DNTTIP2: variants seen among roughly 807,000 people sequenced by gnomAD.
The protein encoded by DNTTIP2 is deoxynucleotidyltransferase terminal interacting protein 2.
In DNTTIP2, 47 loss-of-function variants were observed where a neutral mutation model predicts 62.4. The observed-to-expected ratio is 0.75, with a 90% CI of 0.60 to 0.96. The LOEUF is 0.96. Ranked by LOEUF, DNTTIP2 falls within the 40% of genes least tolerant of loss-of-function variation. DNTTIP2 has a pLI of 0.00. For missense variants in DNTTIP2, 870 were observed against 849.1 expected (o/e 1.02, Z -0.31); for synonymous variants, 322 against 300.9 (o/e 1.07, Z -0.73).
intron 2 of DNTTIP2, 56 bp from the exon 3 acceptor site, chr1:93,875,839 T>G: frequency 6.6e-7 from 1 of 1,521,718 alleles, no homozygotes. Context: ...TGGAAACATA[T>G]AAGATGGCAT....
chr1:93,872,679 C>A (rs1471117463), intron 4 of DNTTIP2, among the ~76,000 whole-genome samples: 1 of 152,116 alleles, frequency 6.6e-6, no homozygotes, highest in Non-Finnish European at 1.5e-5. Flanking sequence ...GTTATTTCTA[C>A]AATAAAACAA....
In DNTTIP2 at chr1:93,877,353, T is replaced by C. The variant is rs775956120; in HGVS notation, c.582A>G (p.Ser194=). The part of the protein sequence containing the change: ...SDAETSSSDI[S]FSGIATRRTR... ...TTCTTCTAGTTGCAATTCCAGAGAA[T>C]GAAATGTCTGAGCTTGATGTCTCAG... Residue 194 remains serine (S), a synonymous_variant, in exon 2 of 7, where the codon TCA becomes TCG. Transcript: ENST00000436063. 10 of 1,613,688 alleles carry C rather than the reference T, an allele frequency of 6.2e-6. No individual in the cohort carries two copies. Among genetic ancestry groups the C allele is most frequent in the African/African-American group, 1.3e-5 (1 of 74,940 alleles).
intron 3 of DNTTIP2, 88 bp from the exon 4 acceptor site, chr1:93,873,302 T>C: frequency 9.4e-7 from 1 of 1,066,156 alleles, no homozygotes; most frequent in Non-Finnish European, 1.4e-6. Context: ...TTTTAAAATT[T>C]TTAGTCAGCC....
intron 5 of DNTTIP2, 149 bp downstream of exon 5, chr1:93,871,923 A>G: frequency 1.2e-6 from 1 of 834,436 alleles, no homozygotes; most frequent in East Asian, 2.5e-5. Context: ...GGTAATGGCC[A>G]TTCTTATATG....
rs1407552784 is a variant in DNTTIP2, at chr1:93,866,717, T to C, written c.*3134A>G. ...TTTCCCAGGTTTCAGAAGAGGAATA[T>C]TGGTGTTTCTCTAGAGCAGTTGGTT... On this transcript the variant is annotated 3_prime_UTR_variant, in exon 7 of 7. Coordinates refer to ENST00000436063, the MANE Select transcript of DNTTIP2 (RefSeq NM_014597.5). 1.3e-5 allele frequency: 2 copies of C among 152,202 alleles called. No homozygotes were observed. The highest frequency in any genetic ancestry group is 2.4e-5 in the African/African-American group (1 of 41,426). The allele number at this position is 152,202 out of a possible 1,614,324, so 9.4% of individuals were successfully genotyped here.
rs1370272246 is a variant in DNTTIP2, at chr1:93,878,118, A to C, written c.73-256T>G. 2.6e-5 allele frequency among the ~76,000 whole-genome samples: 4 copies of C among 152,216 alleles called. No individual in the cohort carries two copies. The East Asian group carries it at 7.7e-4, about 29-fold the overall frequency. Reference sequence around the variant, plus strand: ...TCAGGAGTTCGAGACAGCTTGGCCAACATAGTGAAACCCCATCTCTACTCA... The same window carrying C: ...TCAGGAGTTCGAGACAGCTTGGCCACCATAGTGAAACCCCATCTCTACTCA... On this transcript the variant is annotated intron_variant, in intron 1 of 6. Coordinates refer to ENST00000436063, the MANE Select transcript of DNTTIP2 (RefSeq NM_014597.5).
In DNTTIP2 at chr1:93,879,166, G is replaced by A; in HGVS notation, c.-18C>T. On this transcript the variant is annotated 5_prime_UTR_variant, in exon 1 of 7. Transcript: ENST00000436063. ...ACCACCATCTTTCCGGCTCCCTCGCGACCACCACGACTTCCCTCTTCCCTG... is the reference window on the plus strand; with the variant it reads ...ACCACCATCTTTCCGGCTCCCTCGCAACCACCACGACTTCCCTCTTCCCTG... The A allele has an allele frequency of 6.2e-7, 1 of 1,610,412 alleles. No homozygotes were observed. The highest frequency in any genetic ancestry group is 8.5e-7 in the Non-Finnish European group (1 of 1,179,076).
At chr1:93,875,862 C>G in intron 2 of DNTTIP2, 79 bp from the exon 3 acceptor site, 1 of 1,411,348 alleles carries the variant, frequency 7.1e-7, no homozygotes, top group Non-Finnish European at 9.5e-7. Flanking sequence ...TAAAAAATCA[C>G]TTATTCTTCT....
rs368336506 is a variant in DNTTIP2 at position 93,876,553 on chromosome 1, T to A, written c.1382A>T (p.Asp461Val). The part of the protein sequence containing the change: ...QQSENSENEE[D>V]TLCFVENSGQ... ...ACTATTTTCAACAAAACATAAAGTA[T>A]CCTCTTCATTCTCACTGTTTTCAGA... The change falls in exon 2 of 7, where the codon GAT (aspartate) becomes GTT (valine). Residue 461 changes from aspartate (D) to valine (V), a missense_variant. Physicochemically the swap from Asp to Val is radical, Grantham distance 152 (BLOSUM62 -3). Transcript: ENST00000436063. The A allele has an allele frequency of 8.1e-5, 130 of 1,613,914 alleles. No homozygotes were observed. Among genetic ancestry groups the A allele is most frequent in the Non-Finnish European group, 1.1e-4 (125 of 1,179,904 alleles).
chr1:93,872,229 C>G lies in DNTTIP2; in HGVS notation c.1910G>C (p.Arg637Pro), dbSNP rs756513922. ...YQLQKKRRKE[R>P]QKTAGDGWFG... ...CCAGCCATCCCCTGCTGTTTTTTGT[C>G]GTTCTTTCTGAAATTATGATTTCAA... Residue 637 changes from arginine to proline, a missense_variant, in exon 5 of 7, where the codon CGA becomes CCA. Coordinates refer to ENST00000436063, the MANE Select transcript of DNTTIP2 (RefSeq NM_014597.5). The G allele has an allele frequency of 1.9e-6, 3 of 1,612,702 alleles. No homozygotes were observed. Among genetic ancestry groups the G allele is most frequent in the Non-Finnish European group, 2.5e-6 (3 of 1,179,498 alleles).
At position 93,877,818 on chromosome 1, in the gene DNTTIP2, A is replaced by C. The variant is rs780753993; in HGVS notation, c.117T>G (p.Thr39=). 1.2e-6 allele frequency: 2 copies of C among 1,605,212 alleles called. No individual in the cohort carries two copies. Among genetic ancestry groups the C allele is most frequent in the Admixed American group, 1.7e-5 (1 of 60,004 alleles). ...NGIQAHPESS[T]GSDARTTAES... is the part of the protein sequence containing the mutation. The stretch of plus-strand genomic sequence containing the variant: ...CAGCAGTAGTTCGGGCATCAGATCC[A>C]GTACTACTTTCTGGATGCGCTTGAA... Residue 39 remains threonine (T), a synonymous_variant, in exon 2 of 7, where the codon ACT becomes ACG. Coordinates refer to ENST00000436063, the MANE Select transcript of DNTTIP2 (RefSeq NM_014597.5).
chr1:93,874,703 A>G (rs1655954331), intron 3 of DNTTIP2, among the ~76,000 whole-genome samples: 1 of 152,154 alleles, frequency 6.6e-6, no homozygotes, highest in Non-Finnish European at 1.5e-5. Context: ...TATGTTGCCC[A>G]GGTTGGTCTC....
Position 93,877,821 on chromosome 1 carries a change from A to C in DNTTIP2, c.114T>G (p.Ser38Arg). ...CAGTAGTTCGGGCATCAGATCCAGTACTACTTTCTGGATGCGCTTGAATCC... is the reference window on the plus strand; with the variant it reads ...CAGTAGTTCGGGCATCAGATCCAGTCCTACTTTCTGGATGCGCTTGAATCC... ...ANGIQAHPES[S>R]TGSDARTTAE... Residue 38 changes from serine (S) to arginine (R), a missense_variant, in exon 2 of 7, where the codon AGT (serine) becomes AGG (arginine). Transcript: ENST00000436063. 1 of 1,604,724 alleles carries C rather than the reference A, an allele frequency of 6.2e-7. No individual in the cohort carries two copies. Among genetic ancestry groups the C allele is most frequent in the Admixed American group, 1.7e-5 (1 of 60,012 alleles).
At position 93,872,154 on chromosome 1, in the gene DNTTIP2, T is replaced by G. The variant is rs1268981922; in HGVS notation, c.1985A>C (p.Lys662Thr). 1 of 1,613,776 alleles carries G rather than the reference T, an allele frequency of 6.2e-7. No homozygotes were observed. The highest frequency in any genetic ancestry group is 8.5e-7 in the Non-Finnish European group (1 of 1,179,838). The change falls in exon 5 of 7, where the codon AAA becomes ACA. Residue 662 changes from lysine to threonine, a missense_variant. Lys to Thr is a moderately conservative substitution (Grantham distance 78, BLOSUM62 -1). Transcript: ENST00000436063. ...CATGCTGGCTCTCATCTTCAGTGCT[T>G]TGAGATCATTTTTCAGTTCATTTGT... ...EMTNELKNDL[K>T]ALKMRASMDP...
chr1:93,873,305 A>C, intron 3 of DNTTIP2, 91 bp from the exon 4 acceptor site: 1 of 1,027,892 alleles, frequency 9.7e-7, no homozygotes, highest in Non-Finnish European at 1.4e-6. Context: ...TAAAATTTTT[A>C]GTCAGCCTGG....
chr1:93,877,224 C>A lies in DNTTIP2; in HGVS notation c.711G>T (p.Glu237Asp), dbSNP rs776793911. The change falls in exon 2 of 7, where the codon GAG becomes GAT. Residue 237 changes from glutamate (E) to aspartate (D), a missense_variant. Transcript: ENST00000436063. ...GGGAAGTTTGTCTGGTATCTGAATC[C>A]TCTGAATTCACAGGTGTACCCACGA... ...KQIVGTPVNS[E>D]DSDTRQTSHL... 3 of 1,613,860 alleles carry A rather than the reference C, an allele frequency of 1.9e-6. No homozygotes were observed. Among genetic ancestry groups the A allele is most frequent in the African/African-American group, 2.7e-5 (2 of 75,040 alleles).
At chr1:93,870,873 G>A (rs1451885037) in intron 5 of DNTTIP2, 81 bp from the exon 6 acceptor site, 14 of 642,002 alleles carry the variant, frequency 2.2e-5, no homozygotes, top group Admixed American at 3.5e-5. Flanking sequence ...ATTATATTTA[G>A]AGAAAGGAAT....
At chr1:93,874,819 T>C (rs1357454566) in intron 3 of DNTTIP2, among the ~76,000 whole-genome samples, 1 of 152,006 alleles carries the variant, frequency 6.6e-6, no homozygotes, top group Non-Finnish European at 1.5e-5. Flanking sequence ...GACAGAGAAA[T>C]CTAGAAGTGT....
In DNTTIP2 at chr1:93,869,686, AG is replaced by A. The variant is rs760928133; in HGVS notation, c.*164del. ...GTCTTTTAGACACCCCTATTTTCTA[AG>A]GGCATGTAATCGATTCTCAAATCAA... On this transcript the variant is annotated 3_prime_UTR_variant, in exon 7 of 7. Coordinates refer to ENST00000436063, the MANE Select transcript of DNTTIP2 (RefSeq NM_014597.5). 66 of 569,552 alleles carry A rather than the reference AG, an allele frequency of 1.2e-4. No homozygotes were observed. Among genetic ancestry groups the A allele is most frequent in the Non-Finnish European group, 4.5e-5 (14 of 311,366 alleles). 35.3% of individuals were successfully genotyped at this position (569,552 alleles called of 1,614,324 possible). A position where few individuals can be genotyped will look rare whatever the true frequency, so the allele number is the denominator to read the frequency against.
Sources: gnomAD v4.1 joint callset for allele counts (sites outside exome capture counted in the v4.1 genomes callset) on GRCh38, gnomAD v4.1.1 for gene constraint, MANE v1.5 for transcripts, NCBI Gene and HGNC (gene_info 2026-07-23, HGNC 2026-07-21) for gene names.